Variants in HS6ST2 observed in about 807,000 individuals in gnomAD.
HS6ST2 encodes the protein heparan sulfate 6-O-sulfotransferase 2.
In HS6ST2, 17 loss-of-function variants were observed where a neutral mutation model predicts 33.0. The observed-to-expected ratio is 0.52, with a 90% CI of 0.35 to 0.77. The LOEUF (loss-of-function observed/expected upper bound fraction) is 0.77. HS6ST2 is among the 30% of genes least tolerant of loss of function. HS6ST2 has a pLI of 0.01. For missense variants in HS6ST2, 519 were observed against 551.7 expected, an observed-to-expected ratio of 0.94 and a Z score of 0.59; for synonymous variants, 248 against 237.1, an observed-to-expected ratio of 1.05 and a Z score of -0.42.
At position 132,659,819 on chromosome X, in the gene HS6ST2, A is replaced by G. The variant is rs1053395010; in HGVS notation, c.1067+9294T>C. Among the ~76,000 whole-genome samples the G allele has an allele frequency of 8.0e-5, 9 of 112,165 alleles. No homozygotes were observed. In the East Asian group the frequency reaches 2.0e-3, roughly 25 times the overall value. The stretch of plus-strand genomic sequence containing the variant: ...ATAACCCTTACTTTATAGGCCTATT[A>G]TAATAATTAAACAAGATAATATGTA... On this transcript the variant is annotated intron_variant, in intron 4 of 4. Transcript: ENST00000370833.
At chrX:132,906,505 T>C (rs1392023664) in intron 2 of HS6ST2, among the ~76,000 whole-genome samples, 1 of 111,502 alleles carries the variant, frequency 9.0e-6, no homozygotes, top group Middle Eastern at 4.2e-3. Flanking sequence ...TTCTCACTGA[T>C]ACAGTTTGAA....
intron 2 of HS6ST2, among the ~76,000 whole-genome samples, chrX:132,868,592 A>C (rs1197891586): frequency 8.9e-6 from 1 of 112,540 alleles, no homozygotes; most frequent in African/African-American, 3.2e-5. Flanking sequence ...CTCAGACCAC[A>C]GTGCAATCAA....
intron 2 of HS6ST2, among the ~76,000 whole-genome samples, chrX:132,836,890 G>T (rs2065648617): frequency 8.9e-6 from 1 of 111,805 alleles, no homozygotes; most frequent in African/African-American, 3.2e-5. Context: ...AATAAATAAA[G>T]CCTCTAACAG....
chrX:132,942,472 A>T (rs1045134876), intron 2 of HS6ST2, among the ~76,000 whole-genome samples: 1 of 112,144 alleles, frequency 8.9e-6, no homozygotes, highest in African/African-American at 3.2e-5. Flanking sequence ...CACTTTTCTA[A>T]AGCTGCCCCT....
At chrX:132,713,980 T>C (rs1298363578) in intron 2 of HS6ST2, among the ~76,000 whole-genome samples, 2 of 111,964 alleles carry the variant, frequency 1.8e-5, no homozygotes, top group Admixed American at 1.9e-4. Context: ...GACATATTTT[T>C]GATAGGGATG....
chrX:132,871,634 A>G (rs1420067234), intron 2 of HS6ST2, among the ~76,000 whole-genome samples: 1 of 111,422 alleles, frequency 9.0e-6, no homozygotes, highest in Non-Finnish European at 1.9e-5. Flanking sequence ...TTGCAGGGAC[A>G]TGGATGAAGT....
intron 2 of HS6ST2, among the ~76,000 whole-genome samples, chrX:132,921,695 A>G (rs1397233412): frequency 8.9e-6 from 1 of 112,129 alleles, no homozygotes; most frequent in Non-Finnish European, 1.9e-5. Context: ...AAGCCAGGCA[A>G]TTACACTACA....
At chrX:132,701,527 G>A (rs1451512490) in intron 3 of HS6ST2, among the ~76,000 whole-genome samples, 1 of 112,182 alleles carries the variant, frequency 8.9e-6, no homozygotes, top group Non-Finnish European at 1.9e-5. Context: ...CGACACAGAA[G>A]TTTTAAAGAA....
At chrX:132,786,347 A>C (rs368502155) in intron 2 of HS6ST2, among the ~76,000 whole-genome samples, 3 of 111,278 alleles carry the variant, frequency 2.7e-5, no homozygotes, top group Non-Finnish European at 5.6e-5. Flanking sequence ...TTTACAGTAA[A>C]ATCTTGAAGA....
intron 2 of HS6ST2, among the ~76,000 whole-genome samples, chrX:132,807,860 G>A (rs754987231): frequency 3.1e-4 from 35 of 112,007 alleles, no homozygotes; most frequent in Non-Finnish European, 5.3e-4. Flanking sequence ...CTGAGAGTGC[G>A]CTGGCTGGCA....
intron 2 of HS6ST2, among the ~76,000 whole-genome samples, chrX:132,802,693 C>A (rs2065246067): frequency 1.8e-5 from 2 of 110,355 alleles, no homozygotes; most frequent in African/African-American, 6.6e-5. Context: ...TGCACCTTCA[C>A]CTCTGCCTCT....
intron 2 of HS6ST2, among the ~76,000 whole-genome samples, chrX:132,809,171 T>C (rs1431392440): frequency 9.0e-6 from 1 of 111,479 alleles, no homozygotes; most frequent in East Asian, 2.8e-4. Flanking sequence ...GTATTTTTAG[T>C]AGAGACTGGG....
chrX:132,838,315 C>G (rs2065665720), intron 2 of HS6ST2, among the ~76,000 whole-genome samples: 1 of 111,495 alleles, frequency 9.0e-6, no homozygotes, highest in Non-Finnish European at 1.9e-5. Context: ...ATCCCAGGAA[C>G]CATCCGCTGG....
intron 2 of HS6ST2, among the ~76,000 whole-genome samples, chrX:132,800,495 C>A (rs1434256381): frequency 9.0e-6 from 1 of 111,082 alleles, no homozygotes; most frequent in East Asian, 2.8e-4. Context: ...AAACCATCTC[C>A]CACCCCCTAA....
chrX:132,753,582 C>T (rs2064728790), intron 2 of HS6ST2, among the ~76,000 whole-genome samples: 1 of 112,267 alleles, frequency 8.9e-6, no homozygotes, highest in African/African-American at 3.2e-5. Flanking sequence ...TGCCTTCTGC[C>T]ACGACTGTGA....
chrX:132,904,737 AG>A (rs1169285328), intron 2 of HS6ST2, among the ~76,000 whole-genome samples: 12 of 102,360 alleles, frequency 1.2e-4, no homozygotes, highest in African/African-American at 4.3e-4. Context: ...TATGTGGCCC[AG>A]GCTGGTCTCA....
At chrX:132,852,864 G>A (rs959301956) in intron 2 of HS6ST2, among the ~76,000 whole-genome samples, 1 of 112,076 alleles carries the variant, frequency 8.9e-6, no homozygotes, top group Admixed American at 9.4e-5. Flanking sequence ...ACACACAGCT[G>A]ATGGCCCCAG....
Position 132,628,579 on chromosome X carries a change from A to G in HS6ST2, c.1582T>C (p.Tyr528His), listed in dbSNP as rs1216195650. 3 of 1,211,563 alleles carry G rather than the reference A, an allele frequency of 2.5e-6. No individual in the cohort carries two copies. The highest frequency in any genetic ancestry group is 3.4e-6 in the Non-Finnish European group (3 of 895,377). The change falls in exon 5 of 5, where the codon TAC becomes CAC. Residue 528 changes from tyrosine (Y) to histidine (H), a missense_variant. Coordinates refer to ENST00000370833, the MANE Select transcript of HS6ST2 (RefSeq NM_001394073.1). ...AAAAAAAGGTCTTTGGCATAGCTGT[A>G]CAACTCCATATCCAGAAAATTCAGT... Reference protein sequence around the residue: ...EGLNFLDMELYSYAKDLFLQR... With the variant: ...EGLNFLDMELHSYAKDLFLQR...
intron 2 of HS6ST2, among the ~76,000 whole-genome samples, chrX:132,930,115 C>CT (rs202187410): frequency 1.4e-4 from 15 of 106,864 alleles, no homozygotes; most frequent in African/African-American, 3.8e-4. Context: ...TTCTGGGAAG[C>CT]TTTTTTTTTT....
Sources: allele counts gnomAD v4.1 joint callset (sites outside exome capture counted in the v4.1 genomes callset), GRCh38; gene constraint gnomAD v4.1.1; transcripts MANE v1.5; gene names NCBI Gene and HGNC (gene_info 2026-07-23, HGNC 2026-07-21).